The following ZNRF1 variants were observed in gnomAD, a reference collection of about 807,000 sequenced individuals.
The protein encoded by ZNRF1 is zinc and ring finger 1, also known as E3 ubiquitin-protein ligase ZNRF1.
A neutral mutation model predicts 18.4 loss-of-function variants in ZNRF1; 3 were observed. The observed-to-expected ratio is 0.16, with a 90% CI of 0.07 to 0.42. The LOEUF (loss-of-function observed/expected upper bound fraction) is 0.42. ZNRF1 is among the 10% of genes least tolerant of loss of function. The probability of loss-of-function intolerance (pLI) is 0.99; values close to 1 mark genes in which losing one functional copy is unlikely to be tolerated. For synonymous variants in ZNRF1, 157 were observed against 144.2 expected (o/e 1.09, Z -0.64); for missense variants, 310 against 329.8 (o/e 0.94, Z 0.47).
intron 2 of ZNRF1, chr16:75,095,504 C>G: frequency 7.6e-7 from 1 of 1,310,480 alleles, no homozygotes; most frequent in Non-Finnish European, 1.0e-6. Context: ...AAACCCTATT[C>G]ACTTCTTTCC....
At chr16:75,095,606 C>A (rs888500025) in intron 2 of ZNRF1, 2 of 1,546,226 alleles carry the variant, frequency 1.3e-6, no homozygotes, top group African/African-American at 1.4e-5. Flanking sequence ...AGGAAGAATA[C>A]AAAGAAGCCT....
At chr16:75,050,308 T>G (rs528819445) in intron 1 of ZNRF1, among the ~76,000 whole-genome samples, 1 of 152,178 alleles carries the variant, frequency 6.6e-6, no homozygotes, top group African/African-American at 2.4e-5. Flanking sequence ...GGAGGATTGC[T>G]TGACCCCAGG....
At chr16:75,004,930 A>G (rs975526461) in intron 1 of ZNRF1, among the ~76,000 whole-genome samples, 11 of 152,192 alleles carry the variant, frequency 7.2e-5, no homozygotes, top group African/African-American at 1.9e-4. Flanking sequence ...GTGGCTTTTA[A>G]TAAGTCTTTG....
intron 1 of ZNRF1, among the ~76,000 whole-genome samples, chr16:75,037,340 T>C (rs967740524): frequency 6.6e-6 from 1 of 152,154 alleles, no homozygotes; most frequent in African/African-American, 2.4e-5. Flanking sequence ...CTCTTTTGTT[T>C]TTTTGTTTTG....
chr16:75,031,340 C>T (rs1001809717), intron 1 of ZNRF1, among the ~76,000 whole-genome samples: 6 of 152,168 alleles, frequency 3.9e-5, no homozygotes, highest in African/African-American at 1.4e-4. Context: ...CCATGTTGGT[C>T]AGGATGGTCT....
chr16:75,032,821 C>G (rs1168702873), intron 1 of ZNRF1, among the ~76,000 whole-genome samples: 1 of 152,092 alleles, frequency 6.6e-6, no homozygotes, highest in Non-Finnish European at 1.5e-5. Context: ...CCCAGACCAG[C>G]CTGGGCAACA....
At chr16:75,001,317 G>C (rs1234929797) in intron 1 of ZNRF1, among the ~76,000 whole-genome samples, 1 of 152,098 alleles carries the variant, frequency 6.6e-6, no homozygotes, top group Admixed American at 6.6e-5. Flanking sequence ...ATTTGGTTTG[G>C]TTTTTTGTCA....
chr16:75,050,966 G>C (rs112368455), intron 1 of ZNRF1, among the ~76,000 whole-genome samples: 9 of 151,174 alleles, frequency 6.0e-5, no homozygotes, highest in African/African-American at 2.2e-4. Context: ...GCTGAAGCAG[G>C]AGGATGGCTT....
intron 1 of ZNRF1, among the ~76,000 whole-genome samples, chr16:75,069,501 C>T (rs950064853): frequency 6.6e-6 from 1 of 152,184 alleles, no homozygotes; most frequent in African/African-American, 2.4e-5. Flanking sequence ...GCAACCTCCA[C>T]CTCCTGGGTT....
rs77956225 is a variant in ZNRF1, at chr16:75,051,212, A to T, written c.425-42360A>T. ...CTACTACCCACCTCCAAATACATCT[A>T]TTTTTTTTTTTCTGAGACGGAGTCT... is the stretch of plus-strand genomic sequence containing the variant. On this transcript the variant is annotated intron_variant, in intron 1 of 4. Transcript: ENST00000335325. 1.1e-4 allele frequency among the ~76,000 whole-genome samples: 16 copies of T among 145,244 alleles called. No homozygotes were observed. In the East Asian group the frequency reaches 1.4e-3, roughly 13 times the overall value.
At chr16:75,049,434 C>T (rs547420449) in intron 1 of ZNRF1, among the ~76,000 whole-genome samples, 1 of 152,040 alleles carries the variant, frequency 6.6e-6, no homozygotes, top group Non-Finnish European at 1.5e-5. Context: ...TCAGGCAATT[C>T]TCCTGCCTCA....
At chr16:75,038,860 A>T (rs1012333541) in intron 1 of ZNRF1, among the ~76,000 whole-genome samples, 1 of 150,910 alleles carries the variant, frequency 6.6e-6, no homozygotes, top group African/African-American at 2.4e-5. Context: ...AAGTGCTGTT[A>T]TTTTTTTTTT....
intron 1 of ZNRF1, among the ~76,000 whole-genome samples, chr16:75,086,094 AG>A (rs2036070673): frequency 6.6e-6 from 1 of 152,060 alleles, no homozygotes; most frequent in African/African-American, 2.4e-5. Flanking sequence ...GATTCTATTC[AG>A]GTCCTCAGTG....
chr16:75,072,349 T>G (rs938624087), intron 1 of ZNRF1, among the ~76,000 whole-genome samples: 3 of 152,164 alleles, frequency 2.0e-5, no homozygotes, highest in African/African-American at 7.2e-5. Flanking sequence ...CCCAACCCAC[T>G]GGCCCCAAAA....
intron 2 of ZNRF1, among the ~76,000 whole-genome samples, chr16:75,102,851 G>A (rs116130165): frequency 0.017 from 2,650 of 152,276 alleles, 78 homozygotes; most frequent in African/African-American, 0.06. Context: ...GGCACCTGCT[G>A]TGTGTCCCGC....
intron 1 of ZNRF1, among the ~76,000 whole-genome samples, chr16:75,020,302 A>G (rs557662661): frequency 3.9e-5 from 6 of 151,932 alleles, no homozygotes; most frequent in South Asian, 2.1e-4. Context: ...TCTTAGGTGT[A>G]TCTCCTGTGA....
At chr16:75,038,582 TG>T (rs1209587893) in intron 1 of ZNRF1, among the ~76,000 whole-genome samples, 2 of 152,218 alleles carry the variant, frequency 1.3e-5, no homozygotes, top group African/African-American at 4.8e-5. Context: ...GCTGGTAAGA[TG>T]GACACTATTG....
At chr16:75,079,978 C>T (rs559945735) in intron 1 of ZNRF1, among the ~76,000 whole-genome samples, 161 of 152,330 alleles carry the variant, frequency 1.1e-3, no homozygotes, top group African/African-American at 3.5e-3. Context: ...TGCAGTGGCG[C>T]GAGCTTGGCT....
intron 1 of ZNRF1, among the ~76,000 whole-genome samples, chr16:75,008,796 C>G (rs937470112): frequency 1.3e-5 from 2 of 152,140 alleles, no homozygotes; most frequent in African/African-American, 4.8e-5. Context: ...TCATCAGCTC[C>G]TCTGTTGAAT....
Sources: gnomAD v4.1 joint callset for allele counts (sites outside exome capture counted in the v4.1 genomes callset) on GRCh38, gnomAD v4.1.1 for gene constraint, MANE v1.5 for transcripts, NCBI Gene and HGNC (gene_info 2026-07-23, HGNC 2026-07-21) for gene names.